Variants in NAV2 observed in about 807,000 individuals in gnomAD.
NAV2 encodes helicase, APC down-regulated 1.
A neutral mutation model predicts 223.2 loss-of-function variants in NAV2; 54 were observed. That is an observed-to-expected ratio of 0.24 (90% CI 0.19 to 0.30). The LOEUF (loss-of-function observed/expected upper bound fraction) is 0.30. NAV2 is among the 10% of genes least tolerant of loss of function. The probability of loss-of-function intolerance (pLI) is 1.00; values close to 1 mark genes in which losing one functional copy is unlikely to be tolerated. For missense variants in NAV2, 2,806 were observed against 3,147.5 expected, an observed-to-expected ratio of 0.89 and a Z score of 2.60; for synonymous variants, 1,279 against 1,239.3, an observed-to-expected ratio of 1.03 and a Z score of -0.67.
intron 1 of NAV2, among the ~76,000 whole-genome samples, chr11:19,724,711 A>G (rs186139849): frequency 7.9e-5 from 12 of 152,268 alleles, no homozygotes; most frequent in African/African-American, 2.2e-4. Flanking sequence ...TCCCCATTCT[A>G]TGTATGAGGC....
At chr11:19,624,086 A>G (rs2047089948) in intron 1 of NAV2, among the ~76,000 whole-genome samples, 1 of 152,142 alleles carries the variant, frequency 6.6e-6, no homozygotes, top group Admixed American at 6.5e-5. Flanking sequence ...AACAGCGAGT[A>G]TTGCAGAATA....
chr11:19,687,990 T>C (rs1226838628), intron 1 of NAV2, among the ~76,000 whole-genome samples: 1 of 152,166 alleles, frequency 6.6e-6, no homozygotes, highest in Non-Finnish European at 1.5e-5. Flanking sequence ...CCAGGTGAAG[T>C]TGCTACAGAC....
intron 1 of NAV2, among the ~76,000 whole-genome samples, chr11:19,514,041 G>A (rs1280262895): frequency 6.6e-6 from 1 of 152,146 alleles, no homozygotes; most frequent in Non-Finnish European, 1.5e-5. Flanking sequence ...CACCCAGTTT[G>A]TGGCAGCCCC....
intron 1 of NAV2, chr11:19,507,195 C>T (rs543797802): frequency 2.0e-5 from 3 of 152,032 alleles, no homozygotes; most frequent in Non-Finnish European, 4.4e-5. Context: ...CATAATATAG[C>T]AGTTAAGTGC....
intron 1 of NAV2, among the ~76,000 whole-genome samples, chr11:19,356,396 C>G (rs1359171489): frequency 6.6e-6 from 1 of 152,188 alleles, no homozygotes; most frequent in Admixed American, 6.5e-5. Flanking sequence ...TGTTGAGTAC[C>G]TACTGTGTGC....
At chr11:19,771,668 C>T (rs2055731548) in intron 1 of NAV2, among the ~76,000 whole-genome samples, 1 of 152,102 alleles carries the variant, frequency 6.6e-6, no homozygotes, top group South Asian at 2.1e-4. Context: ...GTCAAGGGAA[C>T]ATACTAAATG....
chr11:19,714,399 G>A (rs1172726161), intron 1 of NAV2: 8 of 463,046 alleles, frequency 1.7e-5, no homozygotes, highest in Admixed American at 1.4e-4. Context: ...CATTGGGTTC[G>A]ACGCCCCCTA....
chr11:19,388,371 CTT>C (rs1199023207), intron 1 of NAV2, among the ~76,000 whole-genome samples: 8 of 152,320 alleles, frequency 5.3e-5, no homozygotes, highest in African/African-American at 1.9e-4. Flanking sequence ...TCTCAGATGT[CTT>C]GAGTCCTGCT....
chr11:19,410,441 T>G (rs1346573905), intron 1 of NAV2, among the ~76,000 whole-genome samples: 1 of 152,198 alleles, frequency 6.6e-6, no homozygotes, highest in Non-Finnish European at 1.5e-5. Flanking sequence ...AGTTATTATC[T>G]CTATTTTACA....
intron 1 of NAV2, among the ~76,000 whole-genome samples, chr11:19,635,573 G>A (rs951943688): frequency 2.0e-5 from 3 of 152,302 alleles, no homozygotes; most frequent in Admixed American, 1.3e-4. Context: ...TCCACTCATG[G>A]CAGAACGTGG....
intron 1 of NAV2, among the ~76,000 whole-genome samples, chr11:19,663,044 C>G (rs2048327921): frequency 6.6e-6 from 1 of 152,052 alleles, no homozygotes; most frequent in South Asian, 2.1e-4. Flanking sequence ...AGATCCCACA[C>G]TTTTCCTCTG....
intron 1 of NAV2, among the ~76,000 whole-genome samples, chr11:19,568,674 C>T (rs2045340069): frequency 6.6e-6 from 1 of 152,124 alleles, no homozygotes; most frequent in Non-Finnish European, 1.5e-5. Flanking sequence ...CTTTAGTCCC[C>T]CATTGAAGGA....
intron 1 of NAV2, among the ~76,000 whole-genome samples, chr11:19,692,894 A>C (rs906062228): frequency 6.6e-6 from 1 of 152,190 alleles, no homozygotes; most frequent in Non-Finnish European, 1.5e-5. Flanking sequence ...ACCAGCTGGT[A>C]GGTGTTCTGT....
chr11:19,838,409 A>G (rs1484151933), intron 2 of NAV2, among the ~76,000 whole-genome samples: 3 of 152,180 alleles, frequency 2.0e-5, no homozygotes, highest in Non-Finnish European at 4.4e-5. Flanking sequence ...AGACAGGCAA[A>G]GCAGTCAGGG....
At chr11:19,663,076 C>CA (rs1211747493) in intron 1 of NAV2, among the ~76,000 whole-genome samples, 11 of 152,276 alleles carry the variant, frequency 7.2e-5, no homozygotes, top group South Asian at 2.1e-4. Context: ...CCCTTTCCCC[C>CA]CAACCAGCCC....
At chr11:19,390,525 A>G (rs962110681) in intron 1 of NAV2, among the ~76,000 whole-genome samples, 1 of 152,252 alleles carries the variant, frequency 6.6e-6, no homozygotes, top group Non-Finnish European at 1.5e-5. Context: ...ACTCCTGGAC[A>G]GAAGCAATAA....
chr11:19,677,486 C>G (rs1457135795), intron 1 of NAV2, among the ~76,000 whole-genome samples: 1 of 152,226 alleles, frequency 6.6e-6, no homozygotes, highest in Non-Finnish European at 1.5e-5. Context: ...GAGGAGGAGA[C>G]TGAGGCCCAG....
chr11:19,824,012 T>TA (rs1267589423), intron 1 of NAV2, among the ~76,000 whole-genome samples: 1 of 152,204 alleles, frequency 6.6e-6, no homozygotes, highest in African/African-American at 2.4e-5. Flanking sequence ...TGGAATTGTT[T>TA]AAAATGTGTG....
intron 32 of NAV2, among the ~76,000 whole-genome samples, chr11:20,101,897 T>G (rs2061667418): frequency 6.6e-6 from 1 of 152,216 alleles, no homozygotes; most frequent in East Asian, 1.9e-4. Flanking sequence ...TAGCTGGCCC[T>G]ATGCAAAGGG....
Sources: gnomAD v4.1 joint callset for allele counts (sites outside exome capture counted in the v4.1 genomes callset) on GRCh38, gnomAD v4.1.1 for gene constraint, MANE v1.5 for transcripts, NCBI Gene and HGNC (gene_info 2026-07-23, HGNC 2026-07-21) for gene names.